KANSL1: variants seen among roughly 807,000 people sequenced by gnomAD.
KANSL1 encodes KAT8 regulatory NSL complex subunit 1, also known as MLL1/MLL complex subunit KANSL1.
Under a neutral mutation model 103.6 loss-of-function variants are expected in KANSL1, and 22 were observed. That is an observed-to-expected ratio of 0.21 (90% CI 0.15 to 0.30). The LOEUF (loss-of-function observed/expected upper bound fraction) is 0.30. Ranked by LOEUF, KANSL1 falls within the 10% of genes least tolerant of loss-of-function variation. KANSL1 has a pLI of 1.00. For synonymous variants in KANSL1, 600 were observed against 527.6 expected (o/e 1.14, Z -1.88); for missense variants, 1,337 against 1,399.8 (o/e 0.96, Z 0.72).
intron 2 of KANSL1, among the ~76,000 whole-genome samples, chr17:46,152,713 G>A (rs2045187966): frequency 6.6e-6 from 1 of 152,130 alleles, no homozygotes; most frequent in African/African-American, 2.4e-5. Context: ...AGTAATAAGC[G>A]AATTCACTGA....
At chr17:46,096,311 C>CTTTCTTTCTTTCTTTT (rs753073992) in intron 2 of KANSL1, among the ~76,000 whole-genome samples, 4 of 76,406 alleles carry the variant, frequency 5.2e-5, no homozygotes, top group Non-Finnish European at 9.8e-5. Context: ...GCTTTTTTTT[C>CTTTCTTTCTTTCTTTT]TTTTTTTTTT....
chr17:46,069,016 C>T (rs1051306348), intron 4 of KANSL1, among the ~76,000 whole-genome samples: 3 of 152,202 alleles, frequency 2.0e-5, no homozygotes, highest in Admixed American at 6.5e-5. Context: ...GCCTCCACCT[C>T]CCTGGTTCAA....
chr17:46,148,590 C>CTTTTTTT (rs373641135), intron 2 of KANSL1, among the ~76,000 whole-genome samples: 4 of 145,172 alleles, frequency 2.8e-5, no homozygotes, highest in Non-Finnish European at 4.6e-5. Flanking sequence ...CTTCACTTAC[C>CTTTTTTT]TTTTTTTTTT....
chr17:46,039,016 C>T lies in KANSL1; in HGVS notation c.2392+11G>A. 3 of 1,607,936 alleles carry T rather than the reference C, an allele frequency of 1.9e-6. No homozygotes were observed. The highest frequency in any genetic ancestry group is 2.5e-6 in the Non-Finnish European group (3 of 1,178,842). On this transcript the variant is annotated intron_variant, in intron 9 of 14. Transcript: ENST00000432791. ...CAGTTGCAGGTAGAGGTGCCATGGGCCTGGCCCTACCTTCACTTCTCTCAG... is the reference window on the plus strand; with the variant it reads ...CAGTTGCAGGTAGAGGTGCCATGGGTCTGGCCCTACCTTCACTTCTCTCAG...
chr17:46,181,433 CTT>C (rs796952871), intron 1 of KANSL1, among the ~76,000 whole-genome samples: 2 of 147,426 alleles, frequency 1.4e-5, no homozygotes, highest in East Asian at 2.0e-4. Flanking sequence ...GTTCCTCACA[CTT>C]TTTTTTTTTT....
At chr17:46,123,784 A>C (rs1432110587) in intron 2 of KANSL1, among the ~76,000 whole-genome samples, 1 of 152,248 alleles carries the variant, frequency 6.6e-6, no homozygotes, top group Non-Finnish European at 1.5e-5. Flanking sequence ...CAATAACCTA[A>C]AAGTGCAAGG....
At chr17:46,067,338 C>T (rs941870726) in intron 5 of KANSL1, among the ~76,000 whole-genome samples, 3 of 152,150 alleles carry the variant, frequency 2.0e-5, no homozygotes, top group Non-Finnish European at 2.9e-5. Flanking sequence ...TTTTATTTTA[C>T]TCCATGCCCA....
chr17:46,032,116 C>A lies in KANSL1; in HGVS notation c.3021G>T (p.Arg1007=). ...LHSAPLTPVA[R]DTPRHLASED... is the part of the protein sequence containing the mutation. The stretch of plus-strand genomic sequence containing the variant: ...CACTGGCTAAGTGTCGCGGAGTGTC[C>A]CGAGCCACAGGGGTGAGGGGTGCTG... The change falls in exon 14 of 15, where the codon CGG becomes CGT. Residue 1007 remains arginine, a synonymous_variant. Coordinates refer to ENST00000432791, the MANE Select transcript of KANSL1 (RefSeq NM_015443.4). 2 of 1,614,004 alleles carry A rather than the reference C, an allele frequency of 1.2e-6. No homozygotes were observed. The highest frequency in any genetic ancestry group is 1.7e-6 in the Non-Finnish European group (2 of 1,179,978).
Position 46,082,602 on chromosome 17 carries a change from T to C in KANSL1, c.1432-60A>G, listed in dbSNP as rs537646280. 19 of 982,888 alleles carry C rather than the reference T, an allele frequency of 1.9e-5. No individual in the cohort carries two copies. In the East Asian group the frequency reaches 4.5e-4, roughly 23 times the overall value. 60.9% of individuals were successfully genotyped at this position (982,888 alleles called of 1,614,324 possible). On this transcript the variant is annotated intron_variant, in intron 3 of 14. Transcript: ENST00000432791. ...AGCAGTATAAACTTCAAATTTAATTTAGGAGTTAAGTCTCAAAAGGACTGT... is the reference window on the plus strand; with the variant it reads ...AGCAGTATAAACTTCAAATTTAATTCAGGAGTTAAGTCTCAAAAGGACTGT...
chr17:46,215,685 C>A (rs1411330935), intron 1 of KANSL1, among the ~76,000 whole-genome samples: 1 of 152,212 alleles, frequency 6.6e-6, no homozygotes, highest in Non-Finnish European at 1.5e-5. Context: ...GACACTACCG[C>A]TCACTAAGAT....
At chr17:46,068,700 AAT>A (rs1312464829) in intron 4 of KANSL1, among the ~76,000 whole-genome samples, 8 of 152,234 alleles carry the variant, frequency 5.3e-5, no homozygotes, top group African/African-American at 1.9e-4. Context: ...ATTCAAATCA[AAT>A]ATGTTTAGAA....
intron 10 of KANSL1, among the ~76,000 whole-genome samples, chr17:46,036,127 C>T (rs1009105130): frequency 6.6e-6 from 1 of 152,042 alleles, no homozygotes; most frequent in Non-Finnish European, 1.5e-5. Flanking sequence ...CTATGTTGTC[C>T]AGGCTGGACT....
rs36102082 is a variant in KANSL1, at chr17:46,046,840, TAA to T, written c.2020+3691_2020+3692del. On this transcript the variant is annotated intron_variant, in intron 7 of 14. Transcript: ENST00000432791. ...TGACAGAGCAAAACTGTCTCAAAAG[TAA>T]AAAAAAAAAAAAAAAAAGAATTTTG... Among the ~76,000 whole-genome samples, 327 of 118,664 alleles carry T rather than the reference TAA, an allele frequency of 2.8e-3. 3 individuals carry two copies. The highest frequency in any genetic ancestry group is 9.4e-3 in the Middle Eastern group (2 of 212). 77.8% of individuals were successfully genotyped at this position (118,664 alleles called of 152,430 possible). A position where few individuals can be genotyped will look rare whatever the true frequency, so the allele number is the denominator to read the frequency against.
At chr17:46,035,320 G>T (rs1050086210) in intron 10 of KANSL1, 5 of 152,256 alleles carry the variant, frequency 3.3e-5, no homozygotes, top group Non-Finnish European at 7.3e-5. Flanking sequence ...GGTTGGAGGA[G>T]TAAGAAGTCC....
intron 4 of KANSL1, among the ~76,000 whole-genome samples, chr17:46,076,802 G>A (rs1192744484): frequency 6.6e-6 from 1 of 151,942 alleles, no homozygotes; most frequent in African/African-American, 2.4e-5. Context: ...TGATACTACC[G>A]CAAATGGAAC....
chr17:46,205,396 A>C (rs2047931882), intron 1 of KANSL1, among the ~76,000 whole-genome samples: 1 of 149,166 alleles, frequency 6.7e-6, no homozygotes, highest in African/African-American at 2.4e-5. Context: ...AAAAAGACTT[A>C]GAAAGCCAAG....
At chr17:46,145,043 G>T (rs1450185148) in intron 2 of KANSL1, among the ~76,000 whole-genome samples, 1 of 152,186 alleles carries the variant, frequency 6.6e-6, no homozygotes. Context: ...GTGGTTAGAG[G>T]AGAGGATTTG....
intron 2 of KANSL1, among the ~76,000 whole-genome samples, chr17:46,150,532 A>G (rs1409795142): frequency 6.6e-6 from 1 of 152,268 alleles, no homozygotes; most frequent in Admixed American, 6.5e-5. Flanking sequence ...AGAGATAAAA[A>G]AACAGGTATT....
chr17:46,066,769 C>A (rs1358999214), intron 5 of KANSL1, 37 bp from the exon 6 acceptor site: 4 of 1,443,100 alleles, frequency 2.8e-6, no homozygotes, highest in Non-Finnish European at 2.9e-6. Flanking sequence ...TCAGAACACA[C>A]AAAGAAACAA....
Sources: gnomAD v4.1 joint callset for allele counts (sites outside exome capture counted in the v4.1 genomes callset) on GRCh38, gnomAD v4.1.1 for gene constraint, MANE v1.5 for transcripts, NCBI Gene and HGNC (gene_info 2026-07-23, HGNC 2026-07-21) for gene names.